The following SERPINA3 variants were observed in gnomAD, a reference collection of about 807,000 sequenced individuals.
SERPINA3 encodes serpin family A member 3, also known as alpha-1-antichymotrypsin.
In SERPINA3, 32 loss-of-function variants were observed where a neutral mutation model predicts 26.8. That is an observed-to-expected ratio of 1.20 (90% CI 0.90 to 1.61). The LOEUF is 1.61. SERPINA3 is among the 40% of genes most tolerant of loss of function. SERPINA3 has a pLI of 0.00. For missense variants in SERPINA3, 632 were observed against 517.9 expected, an observed-to-expected ratio of 1.22 and a Z score of -2.14; for synonymous variants, 252 against 206.4, an observed-to-expected ratio of 1.22 and a Z score of -1.89.
At chr14:94,619,578 T>A in intron 3 of SERPINA3, 110 bp downstream of exon 3, 2 of 1,385,376 alleles carry the variant, frequency 1.4e-6, no homozygotes, top group Non-Finnish European at 2.0e-6. Flanking sequence ...ACAGGTGGAA[T>A]TTACACTTAC....
intron 1 of SERPINA3, chr14:94,613,830 G>A (rs906332005): frequency 1.3e-5 from 2 of 154,622 alleles, no homozygotes; most frequent in Non-Finnish European, 2.9e-5. Context: ...CTGTACCAGG[G>A]ACTTTCATTT....
In SERPINA3 at chr14:94,614,883, A is replaced by G. The variant is rs1885933019; in HGVS notation, c.442A>G (p.Ser148Gly). ...GNAMFVKEQL[S>G]LLDRFTEDAK... ...TGCCATGTTTGTCAAAGAGCAACTCAGTCTGCTGGACAGGTTCACGGAGGA... is the reference window on the plus strand; with the variant it reads ...TGCCATGTTTGTCAAAGAGCAACTCGGTCTGCTGGACAGGTTCACGGAGGA... Residue 148 changes from serine (S) to glycine (G), a missense_variant, in exon 2 of 5, where the codon AGT becomes GGT. Coordinates refer to ENST00000393078, the MANE Select transcript of SERPINA3 (RefSeq NM_001085.5). 4 of 1,614,236 alleles carry G rather than the reference A, an allele frequency of 2.5e-6. No homozygotes were observed. In the East Asian group the frequency reaches 6.7e-5, roughly 27 times the overall value.
Position 94,622,528 on chromosome 14 carries a change from T to A in SERPINA3, c.1068+37T>A, listed in dbSNP as rs951775346. 5 of 1,611,700 alleles carry A rather than the reference T, an allele frequency of 3.1e-6. No individual in the cohort carries two copies. The South Asian group carries it at 5.5e-5, about 18-fold the overall frequency. ...GACTTGGGTCAATTCATCCTTTGTA[T>A]CCGAACTTGAATTGGTGAAGGCCAG... On this transcript the variant is annotated intron_variant, in intron 4 of 4. Transcript: ENST00000393078.
chr14:94,623,915 ATGGCATGTGTGGCCC>A lies in SERPINA3; in HGVS notation c.*104_*118del. 9.6e-7 allele frequency: 1 copy of A among 1,040,768 alleles called. No individual in the cohort carries two copies. The highest frequency in any genetic ancestry group is 1.5e-6 in the Non-Finnish European group (1 of 668,628). 64.5% of individuals were successfully genotyped at this position (1,040,768 alleles called of 1,614,324 possible). ...CCTGGCCCCTGTGCACCGAGTGGCC[ATGGCATGTGTGGCCC>A]TGTCTGCTTATCCTTGGAAGGTGAC... On this transcript the variant is annotated 3_prime_UTR_variant, in exon 5 of 5. Transcript: ENST00000393078.
chr14:94,622,559 CT>C, intron 4 of SERPINA3, 68 bp downstream of exon 4: 1 of 1,551,252 alleles, frequency 6.4e-7, no homozygotes, highest in Non-Finnish European at 8.8e-7. Context: ...GCCAGATGGA[CT>C]TTTGGGTACT....
Position 94,619,435 on chromosome 14 carries a change from C to T in SERPINA3, c.884C>T (p.Thr295Ile). 1.9e-6 allele frequency: 3 copies of T among 1,614,126 alleles called. No individual in the cohort carries two copies. The highest frequency in any genetic ancestry group is 1.1e-5 in the South Asian group (1 of 91,072). The change falls in exon 3 of 5, where the codon ACC becomes ATC. Residue 295 changes from threonine (T) to isoleucine (I), a missense_variant. Thr to Ile is a moderately conservative substitution (Grantham distance 89). Transcript: ENST00000393078. The stretch of plus-strand genomic sequence containing the variant: ...GTGGAAGCCATGCTGCTCCCAGAGA[C>T]CCTGAAGCGGTGGAGAGACTCTCTG... ...EEVEAMLLPE[T>I]LKRWRDSLEF... is the part of the protein sequence containing the mutation.
At chr14:94,619,135 A>G in intron 2 of SERPINA3, 60 bp from the exon 3 acceptor site, 1 of 1,599,970 alleles carries the variant, frequency 6.3e-7, no homozygotes, top group African/African-American at 1.3e-5. Context: ...CTGCGGAAGC[A>G]GGGTCGAGCA....
In SERPINA3 at chr14:94,623,995, T is replaced by C. The variant is rs1474073846; in HGVS notation, c.*181T>C. On this transcript the variant is annotated 3_prime_UTR_variant, in exon 5 of 5. Coordinates refer to ENST00000393078, the MANE Select transcript of SERPINA3 (RefSeq NM_001085.5). ...TAGCTCTCACATGCACAGGGGCCCATGGACTCTTCAGTCTGGAGGGTCCTG... is the reference window on the plus strand; with the variant it reads ...TAGCTCTCACATGCACAGGGGCCCACGGACTCTTCAGTCTGGAGGGTCCTG... 1 of 665,558 alleles carries C rather than the reference T, an allele frequency of 1.5e-6. No homozygotes were observed. Among genetic ancestry groups the C allele is most frequent in the African/African-American group, 1.8e-5 (1 of 56,020 alleles). The allele number at this position is 665,558 out of a possible 1,614,324, so 41.2% of individuals were successfully genotyped here. A position where few individuals can be genotyped will look rare whatever the true frequency, so the allele number is the denominator to read the frequency against.
chr14:94,620,896 C>T (rs201108761), intron 3 of SERPINA3, among the ~76,000 whole-genome samples: 7 of 152,214 alleles, frequency 4.6e-5, no homozygotes, highest in Non-Finnish European at 7.4e-5. Flanking sequence ...GGGTTCAGAC[C>T]GTGGTGGCTG....
chr14:94,616,593 A>G (rs1252295414), intron 2 of SERPINA3, among the ~76,000 whole-genome samples: 1 of 152,148 alleles, frequency 6.6e-6, no homozygotes, highest in Non-Finnish European at 1.5e-5. Flanking sequence ...AAGAGCATGC[A>G]AGGATTGACT....
chr14:94,621,850 C>A (rs765549239), intron 3 of SERPINA3, among the ~76,000 whole-genome samples: 1 of 152,208 alleles, frequency 6.6e-6, no homozygotes, highest in Non-Finnish European at 1.5e-5. Context: ...CCTGCTCCCA[C>A]CTTCTTCCAG....
chr14:94,612,486 CTG>C, intron 1 of SERPINA3, 39 bp downstream of exon 1: 2 of 1,283,152 alleles, frequency 1.6e-6, no homozygotes, highest in Non-Finnish European at 2.1e-6. Context: ...GCGGAGGAAT[CTG>C]TTTTTCCAGG....
At chr14:94,619,024 G>C in intron 2 of SERPINA3, 171 bp from the exon 3 acceptor site, 1 of 724,914 alleles carries the variant, frequency 1.4e-6, no homozygotes, top group South Asian at 1.5e-5. Context: ...ATCCAAGCCT[G>C]CTGGGCTCTC....
chr14:94,614,122 G>A (rs779778912), intron 1 of SERPINA3: 2 of 383,230 alleles, frequency 5.2e-6, no homozygotes, highest in South Asian at 2.9e-5. Context: ...AGACCGAGGA[G>A]CCAGGCAAAC....
At chr14:94,621,894 C>A (rs1886215235) in intron 3 of SERPINA3, among the ~76,000 whole-genome samples, 1 of 152,232 alleles carries the variant, frequency 6.6e-6, no homozygotes, top group African/African-American at 2.4e-5. Flanking sequence ...ACCTCTTCAC[C>A]TAGCTAGCTC....
intron 1 of SERPINA3, chr14:94,613,690 C>G (rs79783373): frequency 6.6e-6 from 1 of 152,312 alleles, no homozygotes; most frequent in Non-Finnish European, 1.5e-5. Context: ...GCCTTCTCCC[C>G]ACTAAGAGGC....
intron 1 of SERPINA3, 134 bp from the exon 2 acceptor site, chr14:94,614,300 C>G: frequency 1.2e-6 from 1 of 833,338 alleles, no homozygotes. Flanking sequence ...CCAGAGAGCA[C>G]CTACCTGAGG....
At position 94,619,456 on chromosome 14, in the gene SERPINA3, C is replaced by T; in HGVS notation, c.905C>T (p.Ser302Phe). The T allele has an allele frequency of 6.2e-7, 1 of 1,614,096 alleles. No individual in the cohort carries two copies. Among genetic ancestry groups the T allele is most frequent in the Non-Finnish European group, 8.5e-7 (1 of 1,179,998 alleles). Residue 302 changes from serine (S) to phenylalanine (F), a missense_variant, in exon 3 of 5, where the codon TCT becomes TTT. Transcript: ENST00000393078. ...GAGACCCTGAAGCGGTGGAGAGACTCTCTGGAGTTCAGGTGATTCTTCCTG... is the reference window on the plus strand; with the variant it reads ...GAGACCCTGAAGCGGTGGAGAGACTTTCTGGAGTTCAGGTGATTCTTCCTG... ...LPETLKRWRD[S>F]LEFREIGELY...
chr14:94,616,209 C>T (rs1273270270), intron 2 of SERPINA3, among the ~76,000 whole-genome samples: 2 of 152,206 alleles, frequency 1.3e-5, no homozygotes, highest in Non-Finnish European at 2.9e-5. Flanking sequence ...CCCCACCTGC[C>T]TCTAACAATG....
Sources: gnomAD v4.1 joint callset for allele counts (sites outside exome capture counted in the v4.1 genomes callset) on GRCh38, gnomAD v4.1.1 for gene constraint, MANE v1.5 for transcripts, NCBI Gene and HGNC (gene_info 2026-07-23, HGNC 2026-07-21) for gene names.